Variants in NCAM2 observed in about 807,000 individuals in gnomAD.
The protein encoded by NCAM2 is N-CAM-2.
A neutral mutation model predicts 98.1 loss-of-function variants in NCAM2; 30 were observed. That is an observed-to-expected ratio of 0.31 (90% confidence interval 0.23 to 0.41). The LOEUF (loss-of-function observed/expected upper bound fraction) is 0.41. Among genes scored for constraint, NCAM2 ranks in the 10% least tolerant of loss-of-function variants. The pLI, the probability that NCAM2 is intolerant of heterozygous loss-of-function variation, is 1.00. For synonymous variants in NCAM2, 368 were observed against 342.4 expected (o/e 1.07, Z -0.83); for missense variants, 867 against 1,005.8 (o/e 0.86, Z 1.87).
At chr21:21,348,307 T>C (rs1407889932) in intron 8 of NCAM2, among the ~76,000 whole-genome samples, 4 of 152,104 alleles carry the variant, frequency 2.6e-5, no homozygotes, top group Non-Finnish European at 5.9e-5. Flanking sequence ...CATTTTTATA[T>C]GTCAGCAGTG....
intron 1 of NCAM2, among the ~76,000 whole-genome samples, chr21:21,227,831 ATAAGT>A (rs1406094686): frequency 3.3e-5 from 5 of 151,852 alleles, no homozygotes; most frequent in Non-Finnish European, 7.4e-5. Flanking sequence ...GTCTTTCCAA[ATAAGT>A]TAAAGAGCTT....
intron 1 of NCAM2, among the ~76,000 whole-genome samples, chr21:21,040,693 A>G (rs2064886736): frequency 6.6e-6 from 1 of 152,222 alleles, no homozygotes; most frequent in Admixed American, 6.5e-5. Context: ...AGAAAGACAA[A>G]TATTGCATGT....
intron 5 of NCAM2, among the ~76,000 whole-genome samples, chr21:21,300,188 A>G (rs1181678560): frequency 6.6e-6 from 1 of 152,000 alleles, no homozygotes; most frequent in Non-Finnish European, 1.5e-5. Flanking sequence ...TGCAGCCAGA[A>G]AAAGAATGCA....
chr21:21,342,029 T>G (rs1252785027), intron 8 of NCAM2, among the ~76,000 whole-genome samples: 1 of 152,108 alleles, frequency 6.6e-6, no homozygotes, highest in African/African-American at 2.4e-5. Context: ...CTATCAGATA[T>G]CTCTTCACTT....
At chr21:21,298,919 G>T (rs2073599370) in intron 5 of NCAM2, among the ~76,000 whole-genome samples, 4 of 150,980 alleles carry the variant, frequency 2.6e-5, no homozygotes, top group Non-Finnish European at 5.9e-5. Flanking sequence ...TGTTTCAAGT[G>T]TAACAGTCTT....
chr21:21,059,124 C>G (rs1484588661), intron 1 of NCAM2, among the ~76,000 whole-genome samples: 2 of 152,048 alleles, frequency 1.3e-5, no homozygotes, highest in Non-Finnish European at 2.9e-5. Context: ...GTGACTACCT[C>G]TTATATAATT....
chr21:21,298,346 T>C (rs538140155), intron 5 of NCAM2, among the ~76,000 whole-genome samples: 9 of 149,772 alleles, frequency 6.0e-5, no homozygotes, highest in South Asian at 4.2e-4. Context: ...TGAGGGAATT[T>C]GTAGTTTGTA....
intron 1 of NCAM2, among the ~76,000 whole-genome samples, chr21:21,190,146 T>C (rs73894501): frequency 2.5e-3 from 374 of 152,290 alleles, no homozygotes; most frequent in African/African-American, 3.6e-3. Flanking sequence ...CTCTATGCAA[T>C]TGGGCAATGA....
intron 1 of NCAM2, among the ~76,000 whole-genome samples, chr21:21,105,121 A>C (rs2066319137): frequency 6.6e-6 from 1 of 152,168 alleles, no homozygotes; most frequent in African/African-American, 2.4e-5. Flanking sequence ...ATGGAGCAAT[A>C]AATGTTTATT....
At chr21:21,091,959 A>G (rs1235276447) in intron 1 of NCAM2, among the ~76,000 whole-genome samples, 1 of 152,246 alleles carries the variant, frequency 6.6e-6, no homozygotes, top group East Asian at 1.9e-4. Context: ...TCGGTTTTAG[A>G]TACCTCTGTT....
intron 10 of NCAM2, among the ~76,000 whole-genome samples, chr21:21,411,064 A>ACACACATATATG (rs1391211606): frequency 1.6e-5 from 1 of 63,556 alleles, no homozygotes; most frequent in African/African-American, 6.7e-5. Flanking sequence ...GTATATATAT[A>ACACACATATATG]TATATACACA....
chr21:21,283,623 A>T (rs2073000561), intron 2 of NCAM2, among the ~76,000 whole-genome samples: 1 of 151,982 alleles, frequency 6.6e-6, no homozygotes, highest in Admixed American at 6.6e-5. Flanking sequence ...ATCATTATAA[A>T]AACGGTCGTT....
chr21:21,446,547 C>T (rs1980175425), intron 12 of NCAM2, among the ~76,000 whole-genome samples: 1 of 151,994 alleles, frequency 6.6e-6, no homozygotes, highest in African/African-American at 2.4e-5. Flanking sequence ...GAAGTTCAGG[C>T]CTGTGCAATC....
At chr21:21,209,795 A>G (rs1568772503) in intron 1 of NCAM2, among the ~76,000 whole-genome samples, 2 of 152,214 alleles carry the variant, frequency 1.3e-5, no homozygotes, top group South Asian at 4.1e-4. Context: ...TGAGAAGAAG[A>G]AACAGTGGCA....
chr21:21,532,114 T>C (rs558934944), intron 16 of NCAM2, among the ~76,000 whole-genome samples: 5 of 152,168 alleles, frequency 3.3e-5, no homozygotes, highest in South Asian at 4.1e-4. Context: ...ATAATACTTA[T>C]GGTATTTATT....
At chr21:21,408,777 A>G (rs2145905670) in intron 9 of NCAM2, among the ~76,000 whole-genome samples, 1 of 152,112 alleles carries the variant, frequency 6.6e-6, no homozygotes, top group East Asian at 1.9e-4. Flanking sequence ...ATAATAAAGT[A>G]TATAAACAAC....
At chr21:21,422,422 G>C (rs3787601) in intron 11 of NCAM2, among the ~76,000 whole-genome samples, 87,593 of 151,918 alleles carry the variant, frequency 0.58, 25,356 homozygotes, top group East Asian at 0.65. Flanking sequence ...GTGATTGTAA[G>C]AAAACCCCCT....
intron 12 of NCAM2, among the ~76,000 whole-genome samples, chr21:21,463,349 C>T (rs1402204735): frequency 3.3e-5 from 5 of 152,084 alleles, no homozygotes; most frequent in Non-Finnish European, 5.9e-5. Context: ...TTCATGTTCA[C>T]GCAGTGTTAA....
At chr21:21,346,566 G>A (rs534389787) in intron 8 of NCAM2, among the ~76,000 whole-genome samples, 5 of 152,090 alleles carry the variant, frequency 3.3e-5, no homozygotes, top group African/African-American at 1.2e-4. Context: ...TTCATCCAAT[G>A]GCTGCAGAAT....
Sources: allele counts gnomAD v4.1 joint callset (sites outside exome capture counted in the v4.1 genomes callset), GRCh38; gene constraint gnomAD v4.1.1; transcripts MANE v1.5; gene names NCBI Gene and HGNC (gene_info 2026-07-23, HGNC 2026-07-21).